Variants in HDX observed in about 807,000 individuals in gnomAD.
HDX encodes chromosome X open reading frame 43.
HDX carries 19 observed loss-of-function variants against 45.2 expected under a neutral mutation model. That is an observed-to-expected ratio of 0.42 (90% CI 0.29 to 0.62). The LOEUF (loss-of-function observed/expected upper bound fraction) is 0.62, where lower values mean the gene tolerates loss of function less well. Among genes scored for constraint, HDX ranks in the 20% least tolerant of loss-of-function variants. HDX has a pLI of 0.20. For missense variants in HDX, 532 were observed against 493.9 expected, an observed-to-expected ratio of 1.08 and a Z score of -0.73; for synonymous variants, 188 against 172.8, an observed-to-expected ratio of 1.09 and a Z score of -0.69.
chrX:84,390,786 A>G (rs1378560383), intron 5 of HDX, among the ~76,000 whole-genome samples: 1 of 112,702 alleles, frequency 8.9e-6, no homozygotes, highest in Non-Finnish European at 1.9e-5. Flanking sequence ...TCTGTGGTAC[A>G]GTAAACTTGC....
chrX:84,319,259 T>C lies in HDX; in HGVS notation c.*2630A>G, dbSNP rs2036555105. 1 of 111,238 alleles carries C rather than the reference T, an allele frequency of 9.0e-6. No homozygotes were observed. Among genetic ancestry groups the C allele is most frequent in the Admixed American group, 9.6e-5 (1 of 10,462 alleles). The allele number at this position is 111,238 out of a possible 1,213,427, so 9.2% of individuals were successfully genotyped here. A position where few individuals can be genotyped will look rare whatever the true frequency, so the allele number is the denominator to read the frequency against. ...CCCTAAAGAAAGAAACACTAGTTAG[T>C]TAATTTTTATCCCCAGCCATGAAGA... On this transcript the variant is annotated 3_prime_UTR_variant, in exon 11 of 11. Transcript: ENST00000373177.
At chrX:84,442,361 T>C (rs1569344869) in intron 4 of HDX, among the ~76,000 whole-genome samples, 2 of 111,524 alleles carry the variant, frequency 1.8e-5, no homozygotes, top group Non-Finnish European at 3.8e-5. Flanking sequence ...GCTGTTACTA[T>C]TCCTGGCCAC....
chrX:84,332,795 C>T (rs1198921170), intron 9 of HDX, among the ~76,000 whole-genome samples: 1 of 111,529 alleles, frequency 9.0e-6, no homozygotes, highest in Non-Finnish European at 1.9e-5. Flanking sequence ...AGGATTTCAT[C>T]ATGTTCTTTG....
intron 5 of HDX, among the ~76,000 whole-genome samples, chrX:84,412,259 G>T (rs937217135): frequency 5.4e-5 from 6 of 111,145 alleles, no homozygotes; most frequent in African/African-American, 2.0e-4. Context: ...AGTGTCAATG[G>T]TCTATGTACT....
In HDX at chrX:84,439,197, T is replaced by C. The variant is rs1216415128; in HGVS notation, c.1305+1335A>G. On this transcript the variant is annotated intron_variant, in intron 5 of 10. Transcript: ENST00000373177. ...TTTTCATGTTTGTTGGCCTCTTGTATACCTTCTTTTGAAAAGTGCCTGTTC... is the reference window on the plus strand; with the variant it reads ...TTTTCATGTTTGTTGGCCTCTTGTACACCTTCTTTTGAAAAGTGCCTGTTC... Among the ~76,000 whole-genome samples, 6 of 112,000 alleles carry C rather than the reference T, an allele frequency of 5.4e-5. No homozygotes were observed. The East Asian group carries it at 1.1e-3, about 21-fold the overall frequency.
At chrX:84,416,322 A>G (rs751459036) in intron 5 of HDX, among the ~76,000 whole-genome samples, 1 of 111,241 alleles carries the variant, frequency 9.0e-6, no homozygotes, top group East Asian at 2.8e-4. Context: ...TTGATTAACT[A>G]CTGGTGATTT....
At chrX:84,432,415 C>T (rs961619971) in intron 5 of HDX, among the ~76,000 whole-genome samples, 2 of 111,930 alleles carry the variant, frequency 1.8e-5, no homozygotes, top group Non-Finnish European at 3.8e-5. Context: ...CTGTGGATTG[C>T]TTTGGGCAGG....
At chrX:84,472,932 T>A in intron 3 of HDX, among the ~76,000 whole-genome samples, 1 of 109,467 alleles carries the variant, frequency 9.1e-6, no homozygotes. Flanking sequence ...AAGATGTAAA[T>A]GATTCTCATT....
intron 5 of HDX, among the ~76,000 whole-genome samples, chrX:84,391,978 G>A (rs955379390): frequency 9.0e-6 from 1 of 111,472 alleles, no homozygotes; most frequent in African/African-American, 3.3e-5. Flanking sequence ...TTTGTTGTCT[G>A]TGCCTTTGAG....
chrX:84,409,230 T>C (rs866919406), intron 5 of HDX, among the ~76,000 whole-genome samples: 3 of 110,584 alleles, frequency 2.7e-5, no homozygotes, highest in Non-Finnish European at 3.8e-5. Flanking sequence ...ACAACAGGTG[T>C]TGGAGAGGAT....
intron 10 of HDX, among the ~76,000 whole-genome samples, chrX:84,324,987 A>C (rs1199908986): frequency 9.0e-6 from 1 of 111,351 alleles, no homozygotes; most frequent in Non-Finnish European, 1.9e-5. Context: ...AATATACATA[A>C]CTCACATAAT....
chrX:84,427,007 C>T (rs901653231), intron 5 of HDX, among the ~76,000 whole-genome samples: 3 of 110,581 alleles, frequency 2.7e-5, no homozygotes, highest in African/African-American at 9.8e-5. Context: ...CAACATCATG[C>T]CTATAATTAA....
chrX:84,468,852 C>A lies in HDX; in HGVS notation c.871G>T (p.Gly291Ter), dbSNP rs760129115. Residue 291 changes from glycine (G) to a stop codon, truncating the protein, a stop_gained, in exon 4 of 11, where the codon GGA becomes TGA. Coordinates refer to ENST00000373177, the MANE Select transcript of HDX (RefSeq NM_001177479.2). LOFTEE classifies it high-confidence loss of function. ...NAPQKPSSAE[G>*]NCLSIAMETG... Reference sequence around the variant, plus strand: ...TCCATTGCAATGGACAAACAATTTCCTTCTGCTGAGCTAGGCTTCTGTGGG... The same window carrying A: ...TCCATTGCAATGGACAAACAATTTCATTCTGCTGAGCTAGGCTTCTGTGGG... 1 of 1,209,748 alleles carries A rather than the reference C, an allele frequency of 8.3e-7. No individual in the cohort carries two copies. The highest frequency in any genetic ancestry group is 1.8e-5 in the African/African-American group (1 of 57,126).
intron 5 of HDX, among the ~76,000 whole-genome samples, chrX:84,367,674 A>C (rs1297242403): frequency 8.9e-6 from 1 of 112,268 alleles, no homozygotes; most frequent in Non-Finnish European, 1.9e-5. Context: ...GGCAGCCATA[A>C]AAAAGGATGA....
rs748966342 is a variant in HDX at position 84,468,617 on chromosome X, C to A, written c.1106G>T (p.Arg369Ile). The A allele has an allele frequency of 1.7e-6, 2 of 1,205,613 alleles. No homozygotes were observed. Among genetic ancestry groups the A allele is most frequent in the African/African-American group, 3.5e-5 (2 of 57,054 alleles). ...DMSDNVLYQN[R>I]NYHLTPRTSL... is the part of the protein sequence containing the mutation. ...GGTCCGTGGTGTCAAATGGTAGTTT[C>A]TGTTTTGATACAGTACATTGTCTGA... The change falls in exon 4 of 11, where the codon AGA (arginine) becomes ATA (isoleucine). Residue 369 changes from arginine (R) to isoleucine (I), a missense_variant. This residue lies in a region of HDX where 376 missense variants were observed against 343.7 expected (regional missense o/e 1.09). Coordinates refer to ENST00000373177, the MANE Select transcript of HDX (RefSeq NM_001177479.2).
intron 5 of HDX, among the ~76,000 whole-genome samples, chrX:84,399,098 G>A (rs371281342): frequency 9.0e-6 from 1 of 111,219 alleles, no homozygotes. Flanking sequence ...AGCACTAAAT[G>A]CCCACATCAG....
chrX:84,369,439 G>A (rs1273178142), intron 5 of HDX, among the ~76,000 whole-genome samples: 2 of 111,830 alleles, frequency 1.8e-5, no homozygotes, highest in Non-Finnish European at 3.8e-5. Context: ...ACCCAGAAGT[G>A]GAATTGTTGG....
chrX:84,444,529 A>G, intron 4 of HDX, among the ~76,000 whole-genome samples: 1 of 110,824 alleles, frequency 9.0e-6, no homozygotes, highest in Middle Eastern at 4.7e-3. Flanking sequence ...ATAGAAGAGA[A>G]CTAAATAGTC....
intron 5 of HDX, among the ~76,000 whole-genome samples, chrX:84,436,330 A>T (rs1311813557): frequency 2.9e-5 from 3 of 104,433 alleles, no homozygotes; most frequent in African/African-American, 1.0e-4. Flanking sequence ...CTAATGCTAG[A>T]TGACGCGTTA....
Sources: gnomAD v4.1 joint callset for allele counts (sites outside exome capture counted in the v4.1 genomes callset) on GRCh38, gnomAD v4.1.1 for gene constraint, gnomAD v4.1.1 regional missense constraint, MANE v1.5 for transcripts, NCBI Gene and HGNC (gene_info 2026-07-23, HGNC 2026-07-21) for gene names.